TSNARE1: variants seen among roughly 807,000 people sequenced by gnomAD.
TSNARE1 encodes t-SNARE domain-containing protein 1.
A neutral mutation model predicts 62.0 loss-of-function variants in TSNARE1; 49 were observed. That is an observed-to-expected ratio of 0.79 (90% CI 0.63 to 1.00). The LOEUF is 1.00. Ranked by LOEUF, TSNARE1 falls within the 50% of genes least tolerant of loss-of-function variation. The pLI is 0.00. For synonymous variants in TSNARE1, 328 were observed against 294.4 expected (o/e 1.11, Z -1.17); for missense variants, 755 against 700.1 (o/e 1.08, Z -0.88).
At chr8:142,222,514 A>ATT (rs1816384591) in intron 13 of TSNARE1, among the ~76,000 whole-genome samples, 1 of 143,942 alleles carries the variant, frequency 6.9e-6, no homozygotes, top group Non-Finnish European at 1.5e-5. Context: ...CCACTCACTC[A>ATT]CTCACTCATC....
intron 12 of TSNARE1, among the ~76,000 whole-genome samples, chr8:142,262,532 A>G (rs879563126): frequency 2.6e-5 from 4 of 152,110 alleles, no homozygotes; most frequent in Non-Finnish European, 5.9e-5. Flanking sequence ...CTCATGTCCA[A>G]CTGTAATCTT....
At chr8:142,241,109 T>C (rs4284148) in intron 12 of TSNARE1, among the ~76,000 whole-genome samples, 82,988 of 152,074 alleles carry the variant, frequency 0.55, 23,983 homozygotes, top group African/African-American at 0.73. Flanking sequence ...ATGGTCTTAC[T>C]GATAGAAAAC....
At chr8:142,273,570 C>CTG (rs1373707861) in intron 12 of TSNARE1, 30 of 985,284 alleles carry the variant, frequency 3.0e-5, no homozygotes, top group Non-Finnish European at 3.4e-5. Context: ...TCTTGTCTCC[C>CTG]GGCCTGGCGT....
In TSNARE1 at chr8:142,300,496, AGGATGGCCTCCTCCCGCAGCC is replaced by A. The variant is rs1563861173; in HGVS notation, c.1259_1279del (p.Arg420_Ile426del). On this transcript the variant is annotated inframe_deletion, in exon 10 of 14. Transcript: ENST00000524325. ...CCACGCCAGCCTCACCTCCATCTGC[AGGATGGCCTCCTCCCGCAGCC>A]GGATGGCCTCCAGGTCCTCTTCAGT... 3 of 1,603,914 alleles carry A rather than the reference AGGATGGCCTCCTCCCGCAGCC, an allele frequency of 1.9e-6. No homozygotes were observed. Among genetic ancestry groups the A allele is most frequent in the Non-Finnish European group, 2.5e-6 (3 of 1,178,402 alleles).
intron 9 of TSNARE1, among the ~76,000 whole-genome samples, chr8:142,307,786 G>C (rs1023211221): frequency 3.9e-5 from 6 of 152,186 alleles, no homozygotes. Flanking sequence ...TGCTGAACTT[G>C]ATATTCTCGA....
At chr8:142,312,301 C>A (rs897291824) in intron 9 of TSNARE1, among the ~76,000 whole-genome samples, 2 of 152,208 alleles carry the variant, frequency 1.3e-5, no homozygotes, top group Admixed American at 6.5e-5. Context: ...TCAGTTTCTA[C>A]TTCCTGTTTT....
chr8:142,382,744 G>A (rs934720430), intron 1 of TSNARE1, among the ~76,000 whole-genome samples: 2 of 152,234 alleles, frequency 1.3e-5, no homozygotes, highest in African/African-American at 2.4e-5. Context: ...AGCTTTCCAG[G>A]AGAGAAGGGG....
chr8:142,275,531 A>G (rs1820323965), intron 11 of TSNARE1: 2 of 985,420 alleles, frequency 2.0e-6, no homozygotes, highest in Non-Finnish European at 2.4e-6. Context: ...TTCCATGCTC[A>G]GCATTGTCTT....
At chr8:142,362,899 G>A (rs1460712974) in intron 1 of TSNARE1, among the ~76,000 whole-genome samples, 1 of 152,156 alleles carries the variant, frequency 6.6e-6, no homozygotes, top group African/African-American at 2.4e-5. Context: ...CAGAGGGTGG[G>A]TGTGAAGACC....
At chr8:142,224,736 T>TG (rs35763603) in intron 13 of TSNARE1, among the ~76,000 whole-genome samples, 136,064 of 151,862 alleles carry the variant, frequency 0.9, 61,026 homozygotes, top group Non-Finnish European at 0.92. Flanking sequence ...CTCTGGGGGC[T>TG]GGCCTCTTGG....
intron 11 of TSNARE1, chr8:142,276,264 C>T: frequency 1.0e-6 from 1 of 985,446 alleles, no homozygotes; most frequent in Non-Finnish European, 1.2e-6. Flanking sequence ...TGCAGACAGC[C>T]CCCAACTGAA....
rs1192127096 is a variant in TSNARE1 at position 142,255,722 on chromosome 8, TCAC to T, written c.1446+19056_1446+19058del. On this transcript the variant is annotated intron_variant, in intron 12 of 13. Transcript: ENST00000524325. Reference sequence around the variant, plus strand: ...ACCACCATCACCACCATCATCACCATCACCACCACCACCACCACTGTCACCATC... The same window carrying T: ...ACCACCATCACCACCATCATCACCATCACCACCACCACCACTGTCACCATC... Among the ~76,000 whole-genome samples, 19 of 11,506 alleles carry T rather than the reference TCAC, an allele frequency of 1.7e-3. 3 individuals are homozygous for T. The highest frequency in any genetic ancestry group is 1.5e-3 in the Admixed American group (2 of 1,302). The allele number at this position is 11,506 out of a possible 152,430, so 7.5% of individuals were successfully genotyped here. A position where few individuals can be genotyped will look rare whatever the true frequency, so the allele number is the denominator to read the frequency against.
chr8:142,273,607 C>G, intron 12 of TSNARE1: 3 of 985,378 alleles, frequency 3.0e-6, no homozygotes, highest in Non-Finnish European at 2.4e-6. Flanking sequence ...GGGACTGACC[C>G]TTGGTGACCT....
chr8:142,396,118 C>A (rs986628909), intron 1 of TSNARE1, among the ~76,000 whole-genome samples: 6 of 152,132 alleles, frequency 3.9e-5, no homozygotes, highest in African/African-American at 1.4e-4. Flanking sequence ...CTTCCCCAGA[C>A]CATGCCACAC....
intron 2 of TSNARE1, 87 bp downstream of exon 2, chr8:142,354,550 C>T: frequency 1.1e-6 from 1 of 933,016 alleles, no homozygotes; most frequent in African/African-American, 1.7e-5. Context: ...GAACTGGTTT[C>T]CAGCCATCAG....
At chr8:142,341,800 T>A (rs1169088202) in intron 4 of TSNARE1, among the ~76,000 whole-genome samples, 2 of 151,908 alleles carry the variant, frequency 1.3e-5, no homozygotes, top group Non-Finnish European at 2.9e-5. Context: ...TCCTCCACCA[T>A]CCCGTTAATT....
At chr8:142,353,023 G>A (rs1834310988) in intron 2 of TSNARE1, among the ~76,000 whole-genome samples, 1 of 152,080 alleles carries the variant, frequency 6.6e-6, no homozygotes, top group Admixed American at 6.5e-5. Flanking sequence ...CTAAGGCCCT[G>A]CAGGCTTCCC....
chr8:142,237,978 C>T (rs961899677), intron 12 of TSNARE1, among the ~76,000 whole-genome samples: 10 of 152,004 alleles, frequency 6.6e-5, no homozygotes, highest in African/African-American at 2.2e-4. Context: ...ACGCCACCCG[C>T]CTGCCCACGC....
In TSNARE1 at chr8:142,301,010, C is replaced by G. The variant is rs571580318; in HGVS notation, c.1132-366G>C. Reference sequence around the variant, plus strand: ...CCCCCTCCAGGTGCACACGTTCATACCGAACTGAAAACGCGACAACAGCGG... The same window carrying G: ...CCCCCTCCAGGTGCACACGTTCATAGCGAACTGAAAACGCGACAACAGCGG... On this transcript the variant is annotated intron_variant, in intron 9 of 13. Transcript: ENST00000524325. 1.6e-4 allele frequency among the ~76,000 whole-genome samples: 13 copies of G among 82,470 alleles called. No individual in the cohort carries two copies. In the East Asian group the frequency reaches 3.8e-3, roughly 24 times the overall value. The allele number at this position is 82,470 out of a possible 152,430, so 54.1% of individuals were successfully genotyped here.
Sources: gnomAD v4.1 joint callset for allele counts (sites outside exome capture counted in the v4.1 genomes callset) on GRCh38, gnomAD v4.1.1 for gene constraint, MANE v1.5 for transcripts, NCBI Gene and HGNC (gene_info 2026-07-23, HGNC 2026-07-21) for gene names.